Variants in MYH8 observed in about 807,000 individuals in gnomAD.
The protein encoded by MYH8 is myosin-8.
Under a neutral mutation model 233.2 loss-of-function variants are expected in MYH8, and 168 were observed. The observed-to-expected ratio is 0.72, with a 90% confidence interval of 0.64 to 0.82. The LOEUF (loss-of-function observed/expected upper bound fraction) is 0.82, where lower values mean the gene tolerates loss of function less well. Ranked by LOEUF, MYH8 falls within the 40% of genes least tolerant of loss-of-function variation. The pLI is 0.00. For missense variants in MYH8, 1,995 were observed against 2,327.8 expected (o/e 0.86, Z 2.94); for synonymous variants, 785 against 850.6 (o/e 0.92, Z 1.34).
At position 10,412,444 on chromosome 17, in the gene MYH8, G is replaced by T. The variant is rs2142186301; in HGVS notation, c.1342C>A (p.Gln448Lys). ...MFLWMVTRIN[Q>K]QLDTKQPRQY... is the part of the protein sequence containing the mutation. ...CTGGGCTGCTTGGTGTCCAGCTGCT[G>T]GTTGATGCGGGTGACCATCCACAGG... Residue 448 changes from glutamine (Q) to lysine (K), a missense_variant, in exon 14 of 40, where the codon CAG (glutamine) becomes AAG (lysine). By Grantham distance (53) the Gln-to-Lys change is moderately conservative (BLOSUM62 1). Coordinates refer to ENST00000403437, the MANE Select transcript of MYH8 (RefSeq NM_002472.3). The T allele has an allele frequency of 1.2e-6, 2 of 1,614,238 alleles. No homozygotes were observed. The highest frequency in any genetic ancestry group is 3.3e-4 in the Middle Eastern group (2 of 6,062).
chr17:10,414,314 G>T lies in MYH8; in HGVS notation c.905-19C>A, dbSNP rs1441709121. 4.3e-6 allele frequency: 7 copies of T among 1,609,694 alleles called. No homozygotes were observed. The highest frequency in any genetic ancestry group is 2.7e-5 in the African/African-American group (2 of 74,738). ...AGCATTTCTGGGTCACAGAATTCAG[G>T]GCATACATTTTACATTAGACATTGT... On this transcript the variant is annotated intron_variant, in intron 10 of 39. Transcript: ENST00000403437.
intron 39 of MYH8, 152 bp from the exon 40 acceptor site, chr17:10,390,755 C>G (rs2072014195): frequency 1.1e-6 from 1 of 917,492 alleles, no homozygotes; most frequent in Non-Finnish European, 1.7e-6. Flanking sequence ...ATAACTTCAA[C>G]TACAATTTTT....
chr17:10,400,593 G>T lies in MYH8; in HGVS notation c.3532C>A (p.Arg1178Ser), dbSNP rs142073810. 1 of 1,614,074 alleles carries T rather than the reference G, an allele frequency of 6.2e-7. No individual in the cohort carries two copies. The highest frequency in any genetic ancestry group is 8.5e-7 in the Non-Finnish European group (1 of 1,180,050). ...AGGGTGGCCTCCTCCAGGTCCCTGC[G>T]CAGTTTCTGAAACTCAGCCTCCCGC... ...KKREAEFQKL[R>S]RDLEEATLQH... The change falls in exon 27 of 40, where the codon CGC becomes AGC. Residue 1178 changes from arginine (R) to serine (S), a missense_variant. Around this residue, in one of 3 missense-constraint regions of MYH8, gnomAD observed 1,498 missense variants for 1,680.9 expected, o/e 0.89. Coordinates refer to ENST00000403437, the MANE Select transcript of MYH8 (RefSeq NM_002472.3). This position sits in a 1 kb window ranked among gnomAD's most constrained non-coding sequence, Gnocchi z 4.0.
chr17:10,407,161 G>T (rs2072202203), intron 17 of MYH8, among the ~76,000 whole-genome samples, 182 bp from the exon 18 acceptor site: 1 of 152,128 alleles, frequency 6.6e-6, no homozygotes, highest in African/African-American at 2.4e-5. Flanking sequence ...AGGCCAAAGT[G>T]GTTGGAAGGA....
intron 28 of MYH8, among the ~76,000 whole-genome samples, chr17:10,399,130 T>C (rs1056217253): frequency 3.6e-4 from 54 of 151,918 alleles, no homozygotes; most frequent in African/African-American, 1.3e-3. Flanking sequence ...GCATCCCTAA[T>C]CCGAAAATCT....
chr17:10,398,506 G>T lies in MYH8; in HGVS notation c.4116C>A (p.Ala1372=), dbSNP rs760317334. The T allele has an allele frequency of 2.3e-5, 37 of 1,613,846 alleles. No individual in the cohort carries two copies. Among genetic ancestry groups the T allele is most frequent in the Non-Finnish European group, 3.1e-5 (36 of 1,179,954 alleles). ...CCGTCTCGTATTTGGTTCTCCACTG[G>T]GCAACCTCACTGTTGGCCTTGGACA... ...RALSKANSEV[A]QWRTKYETDA... The change falls in exon 30 of 40, where the codon GCC becomes GCA. Residue 1372 remains alanine, a synonymous_variant. Transcript: ENST00000403437.
rs755066825 is a variant in MYH8, at chr17:10,412,713, G to C, written c.1163C>G (p.Ala388Gly). 1 of 1,614,068 alleles carries C rather than the reference G, an allele frequency of 6.2e-7. No homozygotes were observed. Among genetic ancestry groups the C allele is most frequent in the East Asian group, 2.2e-5 (1 of 44,892 alleles). The change falls in exon 13 of 40, where the codon GCC becomes GGC. Residue 388 changes from alanine (A) to glycine (G), a missense_variant. Coordinates refer to ENST00000403437, the MANE Select transcript of MYH8 (RefSeq NM_002472.3). ...PDGTEVADKA[A>G]YLQSLNSADL... ...TGCAGAGTTCAGACTCTGGAGATAG[G>C]CTGCCTTGTCAGCGACTGCAGAGAC...
chr17:10,401,809 C>T (rs1368163132), intron 22 of MYH8, 24 bp from the exon 23 acceptor site: 3 of 1,613,960 alleles, frequency 1.9e-6, no homozygotes, highest in Admixed American at 1.7e-5. Flanking sequence ...CATTCAGATA[C>T]TTAGAGTCTG....
intron 39 of MYH8, 106 bp from the exon 40 acceptor site, chr17:10,390,709 AT>A: frequency 7.9e-7 from 1 of 1,268,072 alleles, no homozygotes; most frequent in Non-Finnish European, 1.1e-6. Flanking sequence ...CTTATGGTCT[AT>A]TTAGCATATC....
At position 10,409,544 on chromosome 17, in the gene MYH8, A is replaced by G. The variant is rs144596237; in HGVS notation, c.1632T>C (p.Pro544=). 5.6e-3 allele frequency: 9,055 copies of G among 1,614,218 alleles called. 45 individuals carry two copies. Among genetic ancestry groups the G allele is most frequent in the Non-Finnish European group, 6.9e-3 (8,086 of 1,180,030 alleles). ...FSILEEECMF[P]KATDTSFKNK... ...TCTTGAAGGAGGTGTCCGTTGCCTTAGGGAACATGCACTCCTCTTCCAGGA... is the reference window on the plus strand; with the variant it reads ...TCTTGAAGGAGGTGTCCGTTGCCTTGGGGAACATGCACTCCTCTTCCAGGA... The change falls in exon 16 of 40, where the codon CCT becomes CCC. Residue 544 remains proline, a synonymous_variant. Transcript: ENST00000403437.
Position 10,410,674 on chromosome 17 carries a change from C to T in MYH8, c.1587+103G>A, listed in dbSNP as rs114147955. On this transcript the variant is annotated intron_variant, in intron 15 of 39. Coordinates refer to ENST00000403437, the MANE Select transcript of MYH8 (RefSeq NM_002472.3). ...CTAAATAGTAATTTTCCAGTTTGTTCAGATCACAAACCATTTGAGATTACA... is the reference window on the plus strand; with the variant it reads ...CTAAATAGTAATTTTCCAGTTTGTTTAGATCACAAACCATTTGAGATTACA... 1.0e-3 allele frequency: 1,634 copies of T among 1,565,988 alleles called. 16 individuals are homozygous for T. In the African/African-American group the frequency reaches 0.02, roughly 19 times the overall value.
At chr17:10,398,386 C>A in intron 30 of MYH8, 58 bp downstream of exon 30, 2 of 1,612,234 alleles carry the variant, frequency 1.2e-6, no homozygotes, top group South Asian at 1.1e-5. Flanking sequence ...ATGTTATCAT[C>A]ATCATAAATA....
Position 10,398,600 on chromosome 17 carries a change from T to C in MYH8, c.4022A>G (p.His1341Arg), listed in dbSNP as rs768361993. 5 of 1,614,184 alleles carry C rather than the reference T, an allele frequency of 3.1e-6. No individual in the cohort carries two copies. The highest frequency in any genetic ancestry group is 1.6e-4 in the Middle Eastern group (1 of 6,062). Reference protein sequence around the residue: ...ALAHALQSSRHDCDLLREQYE... With the variant: ...ALAHALQSSRRDCDLLREQYE... Reference sequence around the variant, plus strand: ...CTGTTCCCGCAGCAGGTCGCAGTCATGGCGGGAGGACTGCAGGGCGTGTGC... The same window carrying C: ...CTGTTCCCGCAGCAGGTCGCAGTCACGGCGGGAGGACTGCAGGGCGTGTGC... Residue 1341 changes from histidine (H) to arginine (R), a missense_variant, in exon 30 of 40, where the codon CAT becomes CGT. This residue lies in a region of MYH8 where 1,498 missense variants were observed against 1,680.9 expected (regional missense o/e 0.89). Coordinates refer to ENST00000403437, the MANE Select transcript of MYH8 (RefSeq NM_002472.3).
intron 5 of MYH8, 108 bp downstream of exon 5, chr17:10,418,537 A>C: frequency 6.3e-7 from 1 of 1,597,254 alleles, no homozygotes; most frequent in Non-Finnish European, 8.6e-7. Context: ...GTGAAGCCCC[A>C]TGTGGCTAGA....
rs1453266228 is a variant in MYH8, at chr17:10,412,372, C to T, written c.1414G>A (p.Asp472Asn). The change falls in exon 14 of 40, where the codon GAT (aspartate) becomes AAT (asparagine). Residue 472 changes from aspartate to asparagine, a missense_variant and splice_region_variant. Asp to Asn is a conservative substitution (Grantham distance 23, BLOSUM62 1). Around this residue, in one of 3 missense-constraint regions of MYH8, gnomAD observed 479 missense variants for 600.9 expected, o/e 0.80. Transcript: ENST00000403437. ...TAATTCTTGTTAATATAACTCACAT[C>T]AAAGATTTCAAAGCCAGCAATGTCC... ...VLDIAGFEIF[D>N]FNSLEQLCIN... 6.2e-7 allele frequency: 1 copy of T among 1,614,154 alleles called. No individual in the cohort carries two copies. Among genetic ancestry groups the T allele is most frequent in the Non-Finnish European group, 8.5e-7 (1 of 1,180,006 alleles).
chr17:10,400,988 T>C lies in MYH8; in HGVS notation c.3255-29A>G. The stretch of plus-strand genomic sequence containing the variant: ...TAGACAGAAGAGCAAGACGTATTAA[T>C]ACTCATGTGAATTGAAAGATGATAT... On this transcript the variant is annotated intron_variant, in intron 25 of 39. Coordinates refer to ENST00000403437, the MANE Select transcript of MYH8 (RefSeq NM_002472.3). The surrounding 1 kb of genome is among the most constrained non-coding windows in gnomAD (Gnocchi z 4.0). 1 of 1,613,574 alleles carries C rather than the reference T, an allele frequency of 6.2e-7. No homozygotes were observed. Among genetic ancestry groups the C allele is most frequent in the Non-Finnish European group, 8.5e-7 (1 of 1,179,550 alleles).
At chr17:10,398,129 A>G (rs1200946483) in intron 30 of MYH8, among the ~76,000 whole-genome samples, 2 of 152,200 alleles carry the variant, frequency 1.3e-5, no homozygotes, top group Non-Finnish European at 2.9e-5. Flanking sequence ...AGTGCTTAAG[A>G]AGGTGGGCTG....
intron 12 of MYH8, 53 bp downstream of exon 12, chr17:10,413,849 T>A: frequency 2.5e-6 from 4 of 1,596,534 alleles, no homozygotes; most frequent in Non-Finnish European, 3.4e-6. Flanking sequence ...AAAATAGGAT[T>A]TTTTTTTTTG....
At position 10,396,582 on chromosome 17, in the gene MYH8, G is replaced by A. The variant is rs73977155; in HGVS notation, c.4499C>T (p.Thr1500Met). 6.9e-4 allele frequency: 1,115 copies of A among 1,614,080 alleles called. 5 individuals are homozygous for A. In the African/African-American group the frequency reaches 0.011, roughly 16 times the overall value. The change falls in exon 32 of 40, where the codon ACG (threonine) becomes ATG (methionine). Residue 1500 changes from threonine to methionine, a missense_variant. Thr to Met is a moderately conservative substitution (Grantham distance 81, BLOSUM62 -1). This residue lies in a region of MYH8 where 1,498 missense variants were observed against 1,680.9 expected (regional missense o/e 0.89). Transcript: ENST00000403437. The surrounding 1 kb of genome is among the most constrained non-coding windows in gnomAD (Gnocchi z 4.2). ...VYEESLDQLE[T>M]LRRENKNLQQ... ...CAAGTTCTTATTTTCTCTTCTTAGC[G>A]TTTCGAGTTGATCCAGGGATTCCTC... is the stretch of plus-strand genomic sequence containing the variant.
Sources: gnomAD v4.1 joint callset for allele counts (sites outside exome capture counted in the v4.1 genomes callset) on GRCh38, gnomAD v4.1.1 for gene constraint, gnomAD v4.1.1 regional missense constraint, Gnocchi (gnomAD v3.1) non-coding constraint, MANE v1.5 for transcripts, NCBI Gene and HGNC (gene_info 2026-07-23, HGNC 2026-07-21) for gene names.